Variants in MID1 observed in about 807,000 individuals in gnomAD.
MID1 encodes the protein midline 1.
In MID1, 7 loss-of-function variants were observed where a neutral mutation model predicts 40.4. The observed-to-expected ratio is 0.17, with a 90% confidence interval of 0.10 to 0.33. The LOEUF (loss-of-function observed/expected upper bound fraction) is 0.33. Among genes scored for constraint, MID1 ranks in the 10% least tolerant of loss-of-function variants. The pLI is 1.00. For synonymous variants in MID1, 229 were observed against 221.2 expected (o/e 1.04, Z -0.31); for missense variants, 367 against 558.5 (o/e 0.66, Z 3.46).
At chrX:10,632,845 G>T (rs1936067349) in intron 1 of MID1, among the ~76,000 whole-genome samples, 1 of 111,146 alleles carries the variant, frequency 9.0e-6, no homozygotes, top group African/African-American at 3.3e-5. Flanking sequence ...TATATTTCAT[G>T]ACATATGAAA....
chrX:10,622,924 A>G (rs1425287554), upstream of MID1, among the ~76,000 whole-genome samples: 1 of 110,556 alleles, frequency 9.0e-6, no homozygotes, highest in Non-Finnish European at 1.9e-5. Flanking sequence ...GAGAATGTTC[A>G]TTGAGTGAGG....
intron 1 of MID1, among the ~76,000 whole-genome samples, chrX:10,710,209 A>G: frequency 9.0e-6 from 1 of 111,405 alleles, no homozygotes; most frequent in Non-Finnish European, 1.9e-5. Context: ...GTCAGGAGGC[A>G]GCCAAAGCCC....
At chrX:10,795,462 G>C (rs1602582647) in intron 1 of MID1, among the ~76,000 whole-genome samples, 1 of 111,936 alleles carries the variant, frequency 8.9e-6, no homozygotes, top group East Asian at 2.8e-4. Flanking sequence ...ACGACTCCCT[G>C]ACATTCATCA....
chrX:10,478,442 T>C lies in MID1; in HGVS notation c.1014-3692A>G, dbSNP rs146706359. Among the ~76,000 whole-genome samples, 535 of 112,072 alleles carry C rather than the reference T, an allele frequency of 4.8e-3. 4 individuals are homozygous for C. Among genetic ancestry groups the C allele is most frequent in the African/African-American group, 0.017 (514 of 30,889 alleles). ...AATAACCATCTTAGGTAGGAATAAT[T>C]AGTCCCGTCTTACAGATTTATGGAT... On this transcript the variant is annotated intron_variant, in intron 5 of 9. Transcript: ENST00000317552.
In MID1 at chrX:10,469,833, G is replaced by A. The variant is rs1360415718; in HGVS notation, c.1149C>T (p.Asn383=). Residue 383 remains asparagine (N), a synonymous_variant, in exon 7 of 10, where the codon AAC becomes AAT. Coordinates refer to ENST00000317552, the MANE Select transcript of MID1 (RefSeq NM_000381.4). ...LECLDYLTAP[N]PPTIREELCT... ...AGAGCTCTTCTCTAATTGTGGGAGG[G>A]TTGGGAGCTGTGGGGGTCAAGAATG... 8.3e-7 allele frequency: 1 copy of A among 1,208,704 alleles called. No homozygotes were observed. Among genetic ancestry groups the A allele is most frequent in the Non-Finnish European group, 1.1e-6 (1 of 894,458 alleles).
intron 1 of MID1, among the ~76,000 whole-genome samples, chrX:10,573,920 CT>C (rs1456725370): frequency 9.0e-6 from 1 of 111,551 alleles, no homozygotes; most frequent in Non-Finnish European, 1.9e-5. Flanking sequence ...ATTAGCCTGT[CT>C]TTGTCTTCTC....
At chrX:10,639,498 G>T (rs1936162362) in intron 1 of MID1, among the ~76,000 whole-genome samples, 1 of 112,029 alleles carries the variant, frequency 8.9e-6, no homozygotes, top group African/African-American at 3.2e-5. Context: ...AAGCCTCCAA[G>T]AATTATGGCA....
chrX:10,570,155 G>A (rs765651395), intron 1 of MID1, among the ~76,000 whole-genome samples: 160 of 111,420 alleles, frequency 1.4e-3, no homozygotes, highest in African/African-American at 5.0e-3. Flanking sequence ...TTCCTCCCAC[G>A]CTACCCACTC....
In MID1 at chrX:10,449,489, G is replaced by T. The variant is rs769182755; in HGVS notation, c.1883C>A (p.Thr628Asn). ...AGGCTGCGCAAATGCGACGTCGAAG[G>T]TGTAGAGGTGGATGGAGTTCAAAGC... ...YDALNSIHLY[T>N]FDVAFAQPVC... is the part of the protein sequence containing the mutation. Residue 628 changes from threonine (T) to asparagine (N), a missense_variant, in exon 10 of 10, where the codon ACC becomes AAC. Thr to Asn is a moderately conservative substitution (Grantham distance 65). Coordinates refer to ENST00000317552, the MANE Select transcript of MID1 (RefSeq NM_000381.4). The T allele has an allele frequency of 8.3e-7, 1 of 1,211,797 alleles. No individual in the cohort carries two copies. The highest frequency in any genetic ancestry group is 3.0e-5 in the East Asian group (1 of 33,832).
intron 4 of MID1, among the ~76,000 whole-genome samples, chrX:10,483,775 T>C (rs1278782142): frequency 8.9e-6 from 1 of 111,895 alleles, no homozygotes; most frequent in Non-Finnish European, 1.9e-5. Flanking sequence ...ATAACTCTAA[T>C]CTAAGAAAAG....
At chrX:10,707,697 C>T (rs905961441) in intron 1 of MID1, among the ~76,000 whole-genome samples, 4 of 112,346 alleles carry the variant, frequency 3.6e-5, no homozygotes, top group Middle Eastern at 4.6e-3. Context: ...TGAATAGACA[C>T]ATTTTTAATC....
chrX:10,645,324 T>G (rs780863506), intron 1 of MID1, among the ~76,000 whole-genome samples: 1 of 112,121 alleles, frequency 8.9e-6, no homozygotes, highest in Non-Finnish European at 1.9e-5. Context: ...GTAAGATTTA[T>G]GGACAGAAAA....
chrX:10,543,190 T>C (rs984568129), intron 2 of MID1, among the ~76,000 whole-genome samples: 4 of 112,352 alleles, frequency 3.6e-5, no homozygotes, highest in African/African-American at 1.3e-4. Context: ...GATGGTCCTA[T>C]CATTCTCCTT....
chrX:10,719,624 A>C (rs1447183127), intron 1 of MID1, among the ~76,000 whole-genome samples: 1 of 110,452 alleles, frequency 9.1e-6, no homozygotes, highest in Non-Finnish European at 1.9e-5. Context: ...CATACTGCCC[A>C]AGGTAATTTA....
chrX:10,469,534 G>A lies in MID1; in HGVS notation c.1285+163C>T, dbSNP rs752587141. On this transcript the variant is annotated intron_variant, in intron 7 of 9. Coordinates refer to ENST00000317552, the MANE Select transcript of MID1 (RefSeq NM_000381.4). ...TATTTAGCCAGCTGTTTTTACTAATGTAGTACAAGTGAGTGCTATCACTTT... is the reference window on the plus strand; with the variant it reads ...TATTTAGCCAGCTGTTTTTACTAATATAGTACAAGTGAGTGCTATCACTTT... 2.9e-5 allele frequency: 34 copies of A among 1,188,838 alleles called. No homozygotes were observed. The African/African-American group carries it at 3.9e-4, about 14-fold the overall frequency.
chrX:10,486,737 C>T (rs760774032), intron 4 of MID1, among the ~76,000 whole-genome samples: 1 of 112,514 alleles, frequency 8.9e-6, no homozygotes, highest in Non-Finnish European at 1.9e-5. Flanking sequence ...AAAAGTGAAG[C>T]ATTCCATACA....
intron 1 of MID1, among the ~76,000 whole-genome samples, chrX:10,731,915 G>T (rs973944252): frequency 1.1e-5 from 1 of 94,860 alleles, no homozygotes; most frequent in Non-Finnish European, 2.0e-5. Context: ...AGCCGAGATA[G>T]TGCCACTGCA....
intron 1 of MID1, among the ~76,000 whole-genome samples, chrX:10,725,035 A>G (rs1422821730): frequency 8.9e-6 from 1 of 112,171 alleles, no homozygotes; most frequent in Non-Finnish European, 1.9e-5. Flanking sequence ...TTATTAGTTC[A>G]GAACAATGGG....
intron 1 of MID1, among the ~76,000 whole-genome samples, chrX:10,757,954 C>CTTTA (rs113458552): frequency 1.1e-3 from 115 of 108,683 alleles, no homozygotes; most frequent in Non-Finnish European, 1.3e-3. Context: ...TCATAAGTCA[C>CTTTA]TTTATTTATT....
Sources: gnomAD v4.1 joint callset for allele counts (sites outside exome capture counted in the v4.1 genomes callset) on GRCh38, gnomAD v4.1.1 for gene constraint, MANE v1.5 for transcripts, NCBI Gene and HGNC (gene_info 2026-07-23, HGNC 2026-07-21) for gene names.